KIF27: variants seen among roughly 807,000 people sequenced by gnomAD.
The protein encoded by KIF27 is kinesin-like protein KIF27.
In KIF27, 84 loss-of-function variants were observed where a neutral mutation model predicts 141.8. That is an observed-to-expected ratio of 0.59 (90% confidence interval 0.50 to 0.71). The LOEUF (loss-of-function observed/expected upper bound fraction) is 0.71, where lower values mean the gene tolerates loss of function less well. Ranked by LOEUF, KIF27 falls within the 30% of genes least tolerant of loss-of-function variation. The probability of loss-of-function intolerance (pLI) is 0.00; values close to 1 mark genes in which losing one functional copy is unlikely to be tolerated. For missense variants in KIF27, 1,306 were observed against 1,628.4 expected (o/e 0.80, Z 3.41); for synonymous variants, 471 against 569.5 (o/e 0.83, Z 2.46).
intron 11 of KIF27, among the ~76,000 whole-genome samples, chr9:83,877,638 A>G (rs1272087065): frequency 6.6e-6 from 1 of 152,326 alleles, no homozygotes; most frequent in East Asian, 1.9e-4. Flanking sequence ...CACAAGCAAC[A>G]GAAGAAAAAA....
intron 11 of KIF27, among the ~76,000 whole-genome samples, chr9:83,870,869 G>A (rs932581477): frequency 1.3e-5 from 2 of 151,972 alleles, no homozygotes; most frequent in African/African-American, 4.8e-5. Flanking sequence ...GTAGATGACA[G>A]TTGGGGCTCT....
Position 83,903,831 on chromosome 9 carries a change from T to C in KIF27, c.687A>G (p.Ser229=). ...AGACAATATGCCGAGGGGAATACCA[T>C]GATCCATCTTCAGCTGCCTCCATAT... ...HKNMEAAEDG[S]WYSPRHIVSK... Residue 229 remains serine (S), a synonymous_variant, in exon 4 of 18, where the codon TCA becomes TCG. Coordinates refer to ENST00000297814, the MANE Select transcript of KIF27 (RefSeq NM_017576.4). The C allele has an allele frequency of 1.2e-6, 2 of 1,614,238 alleles. No homozygotes were observed. The highest frequency in any genetic ancestry group is 1.7e-6 in the Non-Finnish European group (2 of 1,180,040).
Position 83,834,929 on chromosome 9 carries a change from C to CTA in KIF27, c.*2070_*2071dup, listed in dbSNP as rs1166055220. Among the ~76,000 whole-genome samples, 4 of 146,108 alleles carry CTA rather than the reference C, an allele frequency of 2.7e-5. No individual in the cohort carries two copies. Among genetic ancestry groups the CTA allele is most frequent in the African/African-American group, 5.1e-5 (2 of 38,848 alleles). On this transcript the variant is annotated 3_prime_UTR_variant, in exon 18 of 18. Coordinates refer to ENST00000297814, the MANE Select transcript of KIF27 (RefSeq NM_017576.4). ...TCTATATACAAGTATATATATAATACTATATATATACAAGTGTTTATATAC... is the reference window on the plus strand; with the variant it reads ...TCTATATACAAGTATATATATAATACTATATATATATACAAGTGTTTATATAC...
chr9:83,918,835 G>A (rs1057443102), intron 1 of KIF27, among the ~76,000 whole-genome samples: 1 of 152,122 alleles, frequency 6.6e-6, no homozygotes, highest in Non-Finnish European at 1.5e-5. Context: ...CAGCATTTTG[G>A]GAGGCCGAGG....
intron 3 of KIF27, among the ~76,000 whole-genome samples, chr9:83,904,955 C>T (rs979839386): frequency 1.3e-5 from 2 of 150,956 alleles, no homozygotes; most frequent in Non-Finnish European, 3.0e-5. Context: ...TACCTTGCAT[C>T]AGAGTGCAAG....
chr9:83,848,534 CTATG>C (rs1948128598), intron 16 of KIF27: 2 of 142,296 alleles, frequency 1.4e-5, no homozygotes, highest in Non-Finnish European at 3.0e-5. Flanking sequence ...ACATATATAT[CTATG>C]TATATACATA....
chr9:83,897,160 G>A (rs1953346658), intron 5 of KIF27, among the ~76,000 whole-genome samples: 1 of 152,002 alleles, frequency 6.6e-6, no homozygotes, highest in South Asian at 2.1e-4. Context: ...CAAGACATCT[G>A]GGGAGTGGGG....
At chr9:83,877,404 A>G (rs1416456026) in intron 11 of KIF27, among the ~76,000 whole-genome samples, 1 of 152,166 alleles carries the variant, frequency 6.6e-6, no homozygotes, top group Non-Finnish European at 1.5e-5. Flanking sequence ...AGTCCATTCA[A>G]TGGAGGAAAG....
intron 5 of KIF27, among the ~76,000 whole-genome samples, chr9:83,898,462 T>C (rs1953493999): frequency 6.6e-6 from 1 of 152,116 alleles, no homozygotes; most frequent in Admixed American, 6.6e-5. Context: ...AAGAAATGAT[T>C]ACCATGTAAG....
At chr9:83,900,742 T>G (rs1179625989) in intron 4 of KIF27, among the ~76,000 whole-genome samples, 1 of 152,024 alleles carries the variant, frequency 6.6e-6, no homozygotes, top group African/African-American at 2.4e-5. Flanking sequence ...CGTATATATA[T>G]ACGTGTATAT....
chr9:83,912,125 G>A (rs1259991640), intron 2 of KIF27, among the ~76,000 whole-genome samples: 1 of 152,166 alleles, frequency 6.6e-6, no homozygotes, highest in Non-Finnish European at 1.5e-5. Flanking sequence ...AATAAGTGGA[G>A]GGAAAAGCTG....
intron 11 of KIF27, among the ~76,000 whole-genome samples, chr9:83,878,577 G>A (rs1951420247): frequency 6.9e-6 from 1 of 145,178 alleles, no homozygotes; most frequent in African/African-American, 2.4e-5. Context: ...GCAATAAAAG[G>A]GAATGAAGTT....
intron 13 of KIF27, among the ~76,000 whole-genome samples, chr9:83,864,683 A>G (rs1013715864): frequency 6.6e-6 from 1 of 152,212 alleles, no homozygotes; most frequent in African/African-American, 2.4e-5. Flanking sequence ...GTAGATGTCT[A>G]TTAGGTCTGC....
chr9:83,873,946 G>T (rs1220737431), intron 11 of KIF27, among the ~76,000 whole-genome samples: 1 of 151,958 alleles, frequency 6.6e-6, no homozygotes, highest in Admixed American at 6.6e-5. Context: ...CAGCTACTTG[G>T]GAGGCTGAGG....
intron 1 of KIF27, among the ~76,000 whole-genome samples, chr9:83,919,842 C>T (rs1956080687): frequency 6.6e-6 from 1 of 152,080 alleles, no homozygotes; most frequent in Non-Finnish European, 1.5e-5. Context: ...AAATGTGAGC[C>T]ACGATGCCCA....
intron 13 of KIF27, among the ~76,000 whole-genome samples, chr9:83,861,263 T>C (rs1202086010): frequency 6.6e-6 from 1 of 152,010 alleles, no homozygotes; most frequent in Non-Finnish European, 1.5e-5. Context: ...ATGGGCCATG[T>C]TGGTGTGCTG....
intron 16 of KIF27, among the ~76,000 whole-genome samples, chr9:83,846,493 T>C (rs1441735150): frequency 6.6e-6 from 1 of 152,152 alleles, no homozygotes; most frequent in African/African-American, 2.4e-5. Flanking sequence ...AGCAGCTAGA[T>C]TGATGGAACG....
intron 1 of KIF27, among the ~76,000 whole-genome samples, chr9:83,917,417 A>G (rs1416683160): frequency 6.6e-6 from 1 of 152,210 alleles, no homozygotes; most frequent in Non-Finnish European, 1.5e-5. Flanking sequence ...TCAATGCAAT[A>G]CCTATCAAAA....
intron 13 of KIF27, among the ~76,000 whole-genome samples, chr9:83,865,136 G>A (rs758985734): frequency 2.6e-5 from 4 of 151,954 alleles, no homozygotes; most frequent in African/African-American, 7.2e-5. Flanking sequence ...TGATGTCTTT[G>A]ATACTCTCCT....
Sources: allele counts gnomAD v4.1 joint callset (sites outside exome capture counted in the v4.1 genomes callset), GRCh38; gene constraint gnomAD v4.1.1; transcripts MANE v1.5; gene names NCBI Gene and HGNC (gene_info 2026-07-23, HGNC 2026-07-21).